Variants in NAPA observed in about 807,000 individuals in gnomAD.
NAPA encodes the protein alpha-soluble NSF attachment protein.
Under a neutral mutation model 48.0 loss-of-function variants are expected in NAPA, and 18 were observed. That is an observed-to-expected ratio of 0.38 (90% CI 0.26 to 0.56). The LOEUF is 0.56. NAPA is among the 20% of genes least tolerant of loss of function. The probability of loss-of-function intolerance (pLI) is 0.77; values close to 1 mark genes in which losing one functional copy is unlikely to be tolerated. For synonymous variants in NAPA, 152 were observed against 149.9 expected (o/e 1.01, Z -0.10); for missense variants, 315 against 385.0 (o/e 0.82, Z 1.52).
intron 1 of NAPA, among the ~76,000 whole-genome samples, chr19:47,514,214 C>G (rs1006979032): frequency 3.3e-5 from 5 of 152,026 alleles, no homozygotes; most frequent in African/African-American, 1.2e-4. Context: ...CCCCATGCAC[C>G]CCCCACACTT....
At chr19:47,505,860 C>G (rs896696124) in intron 1 of NAPA, among the ~76,000 whole-genome samples, 1 of 152,070 alleles carries the variant, frequency 6.6e-6, no homozygotes, top group African/African-American at 2.4e-5. Flanking sequence ...ATGCTGTCCC[C>G]CACCCTCTGC....
At chr19:47,497,223 G>T (rs1329116849) in intron 3 of NAPA, 2 of 178,566 alleles carry the variant, frequency 1.1e-5, no homozygotes, top group Non-Finnish European at 2.4e-5. Flanking sequence ...TCTCCTGGCC[G>T]GAACACCCAG....
In NAPA at chr19:47,488,086, T is replaced by G. The variant is rs776946868; in HGVS notation, c.*202A>C. On this transcript the variant is annotated 3_prime_UTR_variant, in exon 11 of 11. Transcript: ENST00000263354. ...AAATAAATGGACAGGGGGCAAGGGATGTAGCGAGAACAGAGGGTGACTGTC... is the reference window on the plus strand; with the variant it reads ...AAATAAATGGACAGGGGGCAAGGGAGGTAGCGAGAACAGAGGGTGACTGTC... 252 of 546,716 alleles carry G rather than the reference T, an allele frequency of 4.6e-4. No individual in the cohort carries two copies. The highest frequency in any genetic ancestry group is 6.9e-4 in the Non-Finnish European group (210 of 302,540). The allele number at this position is 546,716 out of a possible 1,614,324, so 33.9% of individuals were successfully genotyped here.
intron 3 of NAPA, 150 bp from the exon 4 acceptor site, chr19:47,495,746 G>A: frequency 1.4e-6 from 1 of 707,580 alleles, no homozygotes; most frequent in Non-Finnish European, 2.5e-6. Context: ...CACTCTCAAG[G>A]GGCTGGGAAG....
rs1198280646 is a variant in NAPA at position 47,493,195 on chromosome 19, G to C, written c.421-21C>G. On this transcript the variant is annotated intron_variant, in intron 5 of 10. Coordinates refer to ENST00000263354, the MANE Select transcript of NAPA (RefSeq NM_003827.4). The surrounding 1 kb of genome is among the most constrained non-coding windows in gnomAD (Gnocchi z 6.4). ...ATGGCCTGGGGAGACACGGGGGATG[G>C]GTTCCAGGGGAGGGCAGGGAAGGGA... The C allele has an allele frequency of 4.5e-6, 7 of 1,572,922 alleles. 1 individual carries two copies. The Admixed American group carries it at 1.2e-4, about 27-fold the overall frequency.
intron 2 of NAPA, chr19:47,501,349 A>G (rs1000963528): frequency 6.6e-6 from 1 of 152,196 alleles, no homozygotes; most frequent in Non-Finnish European, 1.5e-5. Flanking sequence ...ACATCTTCCC[A>G]TCTACTCCCC....
In NAPA at chr19:47,493,685, C is replaced by A. The variant is rs952662589; in HGVS notation, c.343-192G>T. 6.1e-5 allele frequency: 37 copies of A among 609,636 alleles called. No homozygotes were observed. In the Admixed American group the frequency reaches 7.9e-4, roughly 13 times the overall value. The allele number at this position is 609,636 out of a possible 1,614,324, so 37.8% of individuals were successfully genotyped here. A position where few individuals can be genotyped will look rare whatever the true frequency, so the allele number is the denominator to read the frequency against. ...AAGGGAGGGCCCCAGCACTAGAGGC[C>A]TGGCTATGCGTGCTGGGCTGAGCGG... On this transcript the variant is annotated intron_variant, in intron 4 of 10. Transcript: ENST00000263354. This position sits in a 1 kb window ranked among gnomAD's most constrained non-coding sequence, Gnocchi z 6.4.
chr19:47,502,443 T>G (rs766856397), intron 2 of NAPA, among the ~76,000 whole-genome samples: 4 of 152,054 alleles, frequency 2.6e-5, no homozygotes, highest in Admixed American at 6.6e-5. Flanking sequence ...CAAAAAACAT[T>G]TGGCTTTATT....
At chr19:47,514,147 C>T (rs1169594143) in intron 1 of NAPA, among the ~76,000 whole-genome samples, 1 of 151,974 alleles carries the variant, frequency 6.6e-6, no homozygotes, top group South Asian at 2.1e-4. Context: ...TCCATCATCC[C>T]GGGTTCCTCC....
At chr19:47,498,975 T>G (rs1400335605) in intron 3 of NAPA, among the ~76,000 whole-genome samples, 1 of 152,112 alleles carries the variant, frequency 6.6e-6, no homozygotes, top group African/African-American at 2.4e-5. Flanking sequence ...ATAGCCAAAT[T>G]CACGCCCCCA....
In NAPA at chr19:47,488,331, C is replaced by T. The variant is rs762076236; in HGVS notation, c.845G>A (p.Arg282His). The T allele has an allele frequency of 4.3e-6, 7 of 1,613,600 alleles. 1 individual carries two copies. The South Asian group carries it at 4.4e-5, about 10-fold the overall frequency. Residue 282 changes from arginine (R) to histidine (H), a missense_variant, in exon 11 of 11, where the codon CGC (arginine) becomes CAC (histidine). Coordinates refer to ENST00000263354, the MANE Select transcript of NAPA (RefSeq NM_003827.4). ...ATCGCCCTGGATGGTCTTCTTGATG[C>T]GCAGCAGCATGGTGGTGAGCCACTG... ...LDQWLTTMLLRIKKTIQGDEE... is the reference protein window; with the variant it reads ...LDQWLTTMLLHIKKTIQGDEE...
At chr19:47,490,889 T>C (rs375607933) in intron 8 of NAPA, 33 bp from the exon 9 acceptor site, 95 of 1,600,406 alleles carry the variant, frequency 5.9e-5, no homozygotes, top group Non-Finnish European at 8.0e-5. Context: ...GATGAGTTAG[T>C]AACAAGAGGG....
chr19:47,500,208 G>A (rs927154142), intron 3 of NAPA, among the ~76,000 whole-genome samples: 16 of 152,082 alleles, frequency 1.1e-4, no homozygotes, highest in East Asian at 5.8e-4. Flanking sequence ...GCTAATTTCC[G>A]CTCCTTTTTC....
chr19:47,500,588 T>C (rs778565870), intron 3 of NAPA, 45 bp downstream of exon 3: 26 of 1,511,338 alleles, frequency 1.7e-5, no homozygotes, highest in Non-Finnish European at 1.9e-5. Context: ...GGTGCTAGGA[T>C]GGCGCTCCGG....
At chr19:47,513,439 G>A (rs1341768504) in intron 1 of NAPA, among the ~76,000 whole-genome samples, 1 of 152,204 alleles carries the variant, frequency 6.6e-6, no homozygotes, top group Non-Finnish European at 1.5e-5. Context: ...GCAAATGGGA[G>A]GTAGGTTTGA....
intron 7 of NAPA, 138 bp from the exon 8 acceptor site, chr19:47,492,257 G>T: frequency 1.4e-6 from 1 of 716,296 alleles, no homozygotes; most frequent in Non-Finnish European, 2.3e-6. Context: ...GACCCCAAGG[G>T]CAGGGAGCCA....
intron 1 of NAPA, 97 bp from the exon 2 acceptor site, chr19:47,503,599 C>T: frequency 8.7e-7 from 1 of 1,153,262 alleles, no homozygotes; most frequent in African/African-American, 1.5e-5. Flanking sequence ...CGTGCCCCTA[C>T]CCCTCACCCT....
intron 1 of NAPA, among the ~76,000 whole-genome samples, chr19:47,508,802 A>G (rs1968744964): frequency 6.6e-6 from 1 of 151,982 alleles, no homozygotes; most frequent in African/African-American, 2.4e-5. Flanking sequence ...AAATGGCAGC[A>G]TGTCTGGCCA....
chr19:47,514,978 G>A lies in NAPA; in HGVS notation c.-38C>T, dbSNP rs754130038. 2 of 1,597,014 alleles carry A rather than the reference G, an allele frequency of 1.3e-6. No homozygotes were observed. The highest frequency in any genetic ancestry group is 1.7e-5 in the Admixed American group (1 of 59,228). ...GGGACTCAGCAAAGCGCCTGACCCT[G>A]ACCCTGGGAAGACTCAGCCGCGGCC... On this transcript the variant is annotated 5_prime_UTR_variant, in exon 1 of 11. Coordinates refer to ENST00000263354, the MANE Select transcript of NAPA (RefSeq NM_003827.4).
Sources: gnomAD v4.1 joint callset for allele counts (sites outside exome capture counted in the v4.1 genomes callset) on GRCh38, gnomAD v4.1.1 for gene constraint, Gnocchi (gnomAD v3.1) non-coding constraint, MANE v1.5 for transcripts, NCBI Gene and HGNC (gene_info 2026-07-23, HGNC 2026-07-21) for gene names.